IP6K3: variants seen among roughly 807,000 people sequenced by gnomAD.
The protein encoded by IP6K3 is ATP:1D-myo-inositol-hexakisphosphate phosphotransferase.
Under a neutral mutation model 28.8 loss-of-function variants are expected in IP6K3, and 20 were observed. The observed-to-expected ratio is 0.70, with a 90% CI of 0.49 to 1.01. The LOEUF (loss-of-function observed/expected upper bound fraction) is 1.01, where lower values mean the gene tolerates loss of function less well. Ranked by LOEUF, IP6K3 falls within the 50% of genes least tolerant of loss-of-function variation. The pLI is 0.00. For missense variants in IP6K3, 480 were observed against 537.1 expected (o/e 0.89, Z 1.05); for synonymous variants, 213 against 221.3 (o/e 0.96, Z 0.33).
chr6:33,745,986 G>A (rs184008583), intron 1 of IP6K3, among the ~76,000 whole-genome samples: 2 of 152,272 alleles, frequency 1.3e-5, no homozygotes, highest in East Asian at 3.9e-4. Context: ...TAAAAATGTA[G>A]AAGGCAGAGT....
chr6:33,728,380 G>C, intron 2 of IP6K3, 80 bp from the exon 3 acceptor site: 1 of 1,343,746 alleles, frequency 7.4e-7, no homozygotes, highest in Non-Finnish European at 1.1e-6. Context: ...ATGACGAGTT[G>C]GGAATTTAGC....
At chr6:33,752,662 A>G in the IP6K3 span, among the ~76,000 whole-genome samples, 1 of 152,210 alleles carries the variant, frequency 6.6e-6, no homozygotes, top group Admixed American at 6.5e-5. Flanking sequence ...ATGAGCCAGA[A>G]CTAAACCCCA....
At chr6:33,726,201 G>C (rs544086772) in intron 4 of IP6K3, among the ~76,000 whole-genome samples, 11 of 152,222 alleles carry the variant, frequency 7.2e-5, no homozygotes, top group Non-Finnish European at 1.3e-4. Context: ...TGAAAACTCT[G>C]TAGGGGAGGG....
chr6:33,758,662 C>T, the IP6K3 span, among the ~76,000 whole-genome samples: 373 of 152,262 alleles, frequency 2.4e-3, 3 homozygotes, highest in African/African-American at 7.7e-3. Context: ...TGCAGTGGCG[C>T]GAACTTGGCT....
chr6:33,731,837 G>A (rs1411957859), intron 2 of IP6K3, among the ~76,000 whole-genome samples: 3 of 151,868 alleles, frequency 2.0e-5, no homozygotes, highest in Non-Finnish European at 1.5e-5. Context: ...GGAGGCCCAC[G>A]GGTTCCCAGA....
In IP6K3 at chr6:33,744,852, C is replaced by T. The variant is rs1000161612; in HGVS notation, c.-180+1906G>A. On this transcript the variant is annotated intron_variant, in intron 1 of 5. Transcript: ENST00000293756. The surrounding 1 kb of genome is among the most constrained non-coding windows in gnomAD (Gnocchi z 4.4). ...CTTGCCCTCCCCTCCCACTGCTTAA[C>T]CAGGGTCAGGGGCTGAAGGGGAGGG... 1.3e-5 allele frequency among the ~76,000 whole-genome samples: 2 copies of T among 152,194 alleles called. No individual in the cohort carries two copies. Among genetic ancestry groups the T allele is most frequent in the Non-Finnish European group, 2.9e-5 (2 of 68,036 alleles).
chr6:33,751,062 G>A (rs56382646), upstream of IP6K3, among the ~76,000 whole-genome samples: 7,358 of 152,024 alleles, frequency 0.048, 256 homozygotes, highest in Non-Finnish European at 0.076. The surrounding 1 kb of genome is among the most constrained non-coding windows in gnomAD (Gnocchi z 4.3). Flanking sequence ...CCTCCCCGCC[G>A]CCCCACTCCC....
chr6:33,726,949 G>A (rs923741327), intron 3 of IP6K3, 43 bp from the exon 4 acceptor site: 1 of 1,522,276 alleles, frequency 6.6e-7, no homozygotes, highest in Non-Finnish European at 8.9e-7. Flanking sequence ...CAGAGGTCTG[G>A]GGAAGGGCGC....
intron 2 of IP6K3, among the ~76,000 whole-genome samples, chr6:33,729,868 T>G (rs1447752024): frequency 2.6e-5 from 4 of 151,998 alleles, no homozygotes; most frequent in Non-Finnish European, 4.4e-5. Context: ...TGCCCGCCAC[T>G]GCACCCGGCT....
chr6:33,735,651 G>A lies in IP6K3; in HGVS notation c.-175C>T. 7.0e-7 allele frequency: 1 copy of A among 1,423,162 alleles called. No individual in the cohort carries two copies. The highest frequency in any genetic ancestry group is 9.2e-7 in the Non-Finnish European group (1 of 1,087,980). 88.2% of individuals were successfully genotyped at this position (1,423,162 alleles called of 1,614,324 possible). A position where few individuals can be genotyped will look rare whatever the true frequency, so the allele number is the denominator to read the frequency against. On this transcript the variant is annotated 5_prime_UTR_variant, in exon 2 of 6. Coordinates refer to ENST00000293756, the MANE Select transcript of IP6K3 (RefSeq NM_054111.5). ...CTCCTGTCTGTGGGTTCTCAGCGGGGTCCTCTGGAAAGCAGGGGAGGAAGG... is the reference window on the plus strand; with the variant it reads ...CTCCTGTCTGTGGGTTCTCAGCGGGATCCTCTGGAAAGCAGGGGAGGAAGG...
chr6:33,730,192 C>T (rs189896413), intron 2 of IP6K3, among the ~76,000 whole-genome samples: 8 of 152,320 alleles, frequency 5.3e-5, no homozygotes, highest in African/African-American at 1.7e-4. Context: ...CTGAGCCAGC[C>T]GTGAAGGCGG....
rs1342581909 is a variant in IP6K3, at chr6:33,742,958, G to A, written c.-180+3800C>T. On this transcript the variant is annotated intron_variant, in intron 1 of 5. Coordinates refer to ENST00000293756, the MANE Select transcript of IP6K3 (RefSeq NM_054111.5). The surrounding 1 kb of genome is among the most constrained non-coding windows in gnomAD (Gnocchi z 4.5). ...TGTGTGTACAGGGAGCAATAGGGAA[G>A]GGCAAGGAGATGGTGGGAGGCGATG... 6.6e-6 allele frequency among the ~76,000 whole-genome samples: 1 copy of A among 152,132 alleles called. No individual in the cohort carries two copies. Among genetic ancestry groups the A allele is most frequent in the Non-Finnish European group, 1.5e-5 (1 of 68,032 alleles).
At chr6:33,758,092 G>A in the IP6K3 span, among the ~76,000 whole-genome samples, 4 of 152,168 alleles carry the variant, frequency 2.6e-5, no homozygotes, top group Admixed American at 6.5e-5. Flanking sequence ...CCTGGAGAGC[G>A]CTCCAGGGAG....
chr6:33,758,075 C>T, the IP6K3 span, among the ~76,000 whole-genome samples: 18,278 of 152,168 alleles, frequency 0.12, 1,459 homozygotes, highest in Middle Eastern at 0.22. Context: ...CCTCAGGGCT[C>T]TGCAGGCCTG....
intron 1 of IP6K3, among the ~76,000 whole-genome samples, chr6:33,738,330 G>A (rs575181808): frequency 8.5e-5 from 13 of 152,294 alleles, no homozygotes; most frequent in Admixed American, 3.9e-4. Context: ...CCGCGTCCCA[G>A]CCAAATCACA....
At position 33,722,969 on chromosome 6, in the gene IP6K3, G is replaced by A; in HGVS notation, c.984C>T (p.Val328=). The A allele has an allele frequency of 6.2e-7, 1 of 1,614,070 alleles. No individual in the cohort carries two copies. The highest frequency in any genetic ancestry group is 2.2e-5 in the East Asian group (1 of 44,866). ...CTGGTGGTTCCTGCCCATCATAGATGACAAGGAGAGAGCTGGAATAGAAGC... is the reference window on the plus strand; with the variant it reads ...CTGGTGGTTCCTGCCCATCATAGATAACAAGGAGAGAGCTGGAATAGAAGC... ...SYRFYSSSLL[V]IYDGQEPPER... Residue 328 remains valine, a synonymous_variant, in exon 6 of 6, where the codon GTC becomes GTT. Coordinates refer to ENST00000293756, the MANE Select transcript of IP6K3 (RefSeq NM_054111.5).
At chr6:33,751,102 G>A (rs1274283997), upstream of IP6K3, among the ~76,000 whole-genome samples, 1 of 152,148 alleles carries the variant, frequency 6.6e-6, no homozygotes, top group Non-Finnish European at 1.5e-5. This position sits in a 1 kb window ranked among gnomAD's most constrained non-coding sequence, Gnocchi z 4.3. Context: ...CATGCCCTGA[G>A]AGAGGTCACT....
the IP6K3 span, among the ~76,000 whole-genome samples, chr6:33,762,065 C>A: frequency 6.6e-6 from 1 of 152,204 alleles, no homozygotes; most frequent in East Asian, 1.9e-4. Context: ...GGGGCCTGAA[C>A]CCAGAGCTCT....
In IP6K3 at chr6:33,742,904, G is replaced by A. The variant is rs1159569113; in HGVS notation, c.-180+3854C>T. Among the ~76,000 whole-genome samples, 1 of 152,106 alleles carries A rather than the reference G, an allele frequency of 6.6e-6. No individual in the cohort carries two copies. The highest frequency in any genetic ancestry group is 1.5e-5 in the Non-Finnish European group (1 of 68,026). ...AGGGGAGATGTTGGCTCAGCCTTGG[G>A]GAGCTTGGGGAGGGCCTGCTTTGGG... On this transcript the variant is annotated intron_variant, in intron 1 of 5. Transcript: ENST00000293756. The surrounding 1 kb of genome is among the most constrained non-coding windows in gnomAD (Gnocchi z 4.5).
Sources: gnomAD v4.1 joint callset for allele counts (sites outside exome capture counted in the v4.1 genomes callset) on GRCh38, gnomAD v4.1.1 for gene constraint, Gnocchi (gnomAD v3.1) non-coding constraint, MANE v1.5 for transcripts, NCBI Gene and HGNC (gene_info 2026-07-23, HGNC 2026-07-21) for gene names.